The following SIPA1L2 variants were observed in gnomAD, a reference collection of about 807,000 sequenced individuals.
The protein encoded by SIPA1L2 is signal-induced proliferation-associated 1-like protein 2.
A neutral mutation model predicts 163.9 loss-of-function variants in SIPA1L2; 56 were observed. The ratio of observed to expected loss-of-function variants is 0.34; its 90% CI spans 0.28 to 0.43. The LOEUF (loss-of-function observed/expected upper bound fraction) is 0.43, where lower values mean the gene tolerates loss of function less well. Among genes scored for constraint, SIPA1L2 ranks in the 20% least tolerant of loss-of-function variants. The pLI, the probability that SIPA1L2 is intolerant of heterozygous loss-of-function variation, is 1.00. For synonymous variants in SIPA1L2, 877 were observed against 865.7 expected (o/e 1.01, Z -0.23); for missense variants, 1,974 against 2,193.5 (o/e 0.90, Z 2.00).
rs376303420 is a variant in SIPA1L2 at position 232,555,746 on chromosome 1, A to G, written c.-270+18428T>C. On this transcript the variant is annotated intron_variant, in intron 2 of 22. Transcript: ENST00000674635. ...AAATTCTAAATAAATGAAAGGATGA[A>G]AGGACAGAACAGCAGGGGATAGAGA... Among the ~76,000 whole-genome samples, 19 of 152,344 alleles carry G rather than the reference A, an allele frequency of 1.2e-4. No homozygotes were observed. In the South Asian group the frequency reaches 2.9e-3, roughly 23 times the overall value.
At chr1:232,545,495 T>C (rs1317857181) in intron 2 of SIPA1L2, among the ~76,000 whole-genome samples, 1 of 152,234 alleles carries the variant, frequency 6.6e-6, no homozygotes, top group Non-Finnish European at 1.5e-5. Context: ...GAAGAATAAA[T>C]ATGTAATCAC....
At chr1:232,475,198 T>C (rs564809035) in intron 7 of SIPA1L2, among the ~76,000 whole-genome samples, 1 of 152,308 alleles carries the variant, frequency 6.6e-6, no homozygotes, top group Admixed American at 6.5e-5. Flanking sequence ...GACTGATCCC[T>C]TCCTACCTCT....
chr1:232,403,328 A>G, intron 21 of SIPA1L2, 120 bp downstream of exon 21: 1 of 1,301,850 alleles, frequency 7.7e-7, no homozygotes, highest in Admixed American at 2.2e-5. Flanking sequence ...ATTCTTCAGG[A>G]CTGGGAAAGG....
intron 1 of SIPA1L2, among the ~76,000 whole-genome samples, chr1:232,576,286 T>C (rs949789569): frequency 2.6e-5 from 4 of 152,240 alleles, no homozygotes; most frequent in African/African-American, 9.6e-5. Context: ...GCTCATTTGG[T>C]GTTTCTGTGT....
Position 232,441,442 on chromosome 1 carries a change from CAA to C in SIPA1L2, c.3539-50_3539-49del, listed in dbSNP as rs1250484075. 5.5e-6 allele frequency: 8 copies of C among 1,449,052 alleles called. No homozygotes were observed. In the Admixed American group the frequency reaches 1.4e-4, roughly 25 times the overall value. The allele number at this position is 1,449,052 out of a possible 1,614,324, so 89.8% of individuals were successfully genotyped here. On this transcript the variant is annotated intron_variant, in intron 13 of 22. Transcript: ENST00000674635. ...TTGAATTTCCAATTTCCAGTATTAC[CAA>C]AAGAGTAAAGAAAACCAGGAGTCAG... is the stretch of plus-strand genomic sequence containing the variant.
chr1:232,399,283 G>A lies in SIPA1L2; in HGVS notation c.5023-10C>T. On this transcript the variant is annotated splice_polypyrimidine_tract_variant and intron_variant, in intron 22 of 22. Coordinates refer to ENST00000674635, the MANE Select transcript of SIPA1L2 (RefSeq NM_020808.5). Reference sequence around the variant, plus strand: ...CCTTGTCTTGTTTTTCCTGGTCAGAGCAGAAATAAACTGAGTCATGGAGAC... The same window carrying A: ...CCTTGTCTTGTTTTTCCTGGTCAGAACAGAAATAAACTGAGTCATGGAGAC... 1 of 1,612,756 alleles carries A rather than the reference G, an allele frequency of 6.2e-7. No homozygotes were observed. The highest frequency in any genetic ancestry group is 2.2e-5 in the East Asian group (1 of 44,832).
chr1:232,614,188 TAAG>T (rs916798739), intron 1 of SIPA1L2, among the ~76,000 whole-genome samples: 10 of 151,896 alleles, frequency 6.6e-5, no homozygotes, highest in African/African-American at 2.2e-4. Flanking sequence ...TGTAACAGCG[TAAG>T]AAGAGAAAGA....
chr1:232,614,732 T>C (rs1343783371), intron 1 of SIPA1L2, among the ~76,000 whole-genome samples: 1 of 152,220 alleles, frequency 6.6e-6, no homozygotes, highest in African/African-American at 2.4e-5. Context: ...TTTCGAATTA[T>C]CAAAATGCCA....
At chr1:232,495,363 A>T (rs1181857854) in intron 3 of SIPA1L2, among the ~76,000 whole-genome samples, 1 of 152,142 alleles carries the variant, frequency 6.6e-6, no homozygotes, top group Non-Finnish European at 1.5e-5. Context: ...GGAGATCGAG[A>T]CCATTCTGGC....
intron 1 of SIPA1L2, among the ~76,000 whole-genome samples, chr1:232,601,218 A>C (rs1661580499): frequency 6.6e-6 from 1 of 152,186 alleles, no homozygotes; most frequent in Non-Finnish European, 1.5e-5. Context: ...GAGACATTCA[A>C]CTTTAGGGAC....
intron 1 of SIPA1L2, among the ~76,000 whole-genome samples, chr1:232,580,815 G>A (rs1247436201): frequency 2.0e-5 from 3 of 152,208 alleles, no homozygotes; most frequent in South Asian, 4.1e-4. Flanking sequence ...CTTTTCAGCT[G>A]TTCTTGCATT....
chr1:232,438,428 A>G (rs1662691498), intron 15 of SIPA1L2, among the ~76,000 whole-genome samples: 1 of 152,248 alleles, frequency 6.6e-6, no homozygotes, highest in African/African-American at 2.4e-5. Flanking sequence ...TCCTTTGCCT[A>G]GTCTTTGAAA....
intron 1 of SIPA1L2, among the ~76,000 whole-genome samples, chr1:232,585,443 G>GTGTC (rs930884961): frequency 5.5e-4 from 84 of 152,286 alleles, no homozygotes; most frequent in African/African-American, 1.9e-3. Context: ...AAGACCTACA[G>GTGTC]TGTCTAAGGG....
At chr1:232,526,017 A>C (rs1667690082) in intron 2 of SIPA1L2, among the ~76,000 whole-genome samples, 1 of 152,192 alleles carries the variant, frequency 6.6e-6, no homozygotes, top group African/African-American at 2.4e-5. Flanking sequence ...CAAATCAGGA[A>C]GTGGGATAGA....
intron 1 of SIPA1L2, among the ~76,000 whole-genome samples, chr1:232,592,252 T>C (rs542169634): frequency 1.3e-5 from 2 of 152,338 alleles, no homozygotes; most frequent in South Asian, 2.1e-4. Context: ...AGAATTAAAA[T>C]GGGAAGCTGC....
At chr1:232,533,994 T>C (rs1371674771) in intron 2 of SIPA1L2, among the ~76,000 whole-genome samples, 2 of 152,126 alleles carry the variant, frequency 1.3e-5, no homozygotes, top group Admixed American at 6.5e-5. Context: ...ATGTAATCCC[T>C]ATCAAAATCC....
chr1:232,448,135 T>G (rs1006902179), intron 10 of SIPA1L2, among the ~76,000 whole-genome samples: 7 of 152,202 alleles, frequency 4.6e-5, no homozygotes, highest in Admixed American at 1.3e-4. Context: ...CTCAGGTACT[T>G]AAGACTCTTT....
chr1:232,536,590 C>T (rs1657320173), intron 2 of SIPA1L2, among the ~76,000 whole-genome samples: 2 of 152,096 alleles, frequency 1.3e-5, no homozygotes, highest in East Asian at 1.9e-4. Context: ...GAAAGCCAGC[C>T]TACACCATCA....
Position 232,471,379 on chromosome 1 carries a change from C to T in SIPA1L2, c.2235G>A (p.Val745=). ...VKVHNPCTEN[V]CYSVGVSRSK... ...AGGGATGACTGACTCACCTATAACA[C>T]ACATTTTCGGTACATGGATTATGCA... is the stretch of plus-strand genomic sequence containing the variant. Residue 745 remains valine, a synonymous_variant, in exon 8 of 23, where the codon GTG becomes GTA. Coordinates refer to ENST00000674635, the MANE Select transcript of SIPA1L2 (RefSeq NM_020808.5). The T allele has an allele frequency of 6.2e-7, 1 of 1,613,532 alleles. No individual in the cohort carries two copies. Among genetic ancestry groups the T allele is most frequent in the Non-Finnish European group, 8.5e-7 (1 of 1,179,806 alleles).
Sources: gnomAD v4.1 joint callset for allele counts (sites outside exome capture counted in the v4.1 genomes callset) on GRCh38, gnomAD v4.1.1 for gene constraint, MANE v1.5 for transcripts, NCBI Gene and HGNC (gene_info 2026-07-23, HGNC 2026-07-21) for gene names.